Variants in PRKG1 observed in about 807,000 individuals in gnomAD.
PRKG1 encodes the protein cGMP-dependent protein kinase 1.
Under a neutral mutation model 88.1 loss-of-function variants are expected in PRKG1, and 35 were observed. The ratio of observed to expected loss-of-function variants is 0.40; its 90% CI spans 0.30 to 0.53. PRKG1 has a LOEUF of 0.53. Ranked by LOEUF, PRKG1 falls within the 20% of genes least tolerant of loss-of-function variation. PRKG1 has a pLI of 0.59. For missense variants in PRKG1, 540 were observed against 839.8 expected, an observed-to-expected ratio of 0.64 and a Z score of 4.41; for synonymous variants, 303 against 292.5, an observed-to-expected ratio of 1.04 and a Z score of -0.37.
chr10:51,397,491 A>G (rs373833573), intron 2 of PRKG1, among the ~76,000 whole-genome samples: 1 of 152,232 alleles, frequency 6.6e-6, no homozygotes, highest in African/African-American at 2.4e-5. Context: ...CCTCTTACCT[A>G]GAGGCCCTCG....
Position 51,213,143 on chromosome 10 carries a change from G to T in PRKG1, c.478+59813G>T, listed in dbSNP as rs557134125. 3.1e-3 allele frequency among the ~76,000 whole-genome samples: 479 copies of T among 152,164 alleles called. 2 individuals are homozygous for T. The highest frequency in any genetic ancestry group is 3.7e-3 in the Non-Finnish European group (250 of 67,998). On this transcript the variant is annotated intron_variant, in intron 2 of 17. Coordinates refer to ENST00000373980, the MANE Select transcript of PRKG1 (RefSeq NM_006258.4). Reference sequence around the variant, plus strand: ...TGGAATACTATGCAGCCATAAAAAAGGATTAGTTCATGTCCTTTGTAGGGA... The same window carrying T: ...TGGAATACTATGCAGCCATAAAAAATGATTAGTTCATGTCCTTTGTAGGGA...
At chr10:52,072,486 T>C (rs1846528042) in intron 7 of PRKG1, among the ~76,000 whole-genome samples, 1 of 152,164 alleles carries the variant, frequency 6.6e-6, no homozygotes, top group East Asian at 1.9e-4. Context: ...CATAGTAACA[T>C]TTTTTCTCCA....
At chr10:52,139,218 G>A (rs1489285143) in intron 8 of PRKG1, among the ~76,000 whole-genome samples, 1 of 152,094 alleles carries the variant, frequency 6.6e-6, no homozygotes, top group Non-Finnish European at 1.5e-5. Context: ...AAATAGGTTT[G>A]AAAACTGAAT....
chr10:50,995,435 G>A (rs949382756), intron 1 of PRKG1, among the ~76,000 whole-genome samples: 1 of 152,194 alleles, frequency 6.6e-6, no homozygotes, highest in Non-Finnish European at 1.5e-5. Context: ...ACTTATTGCG[G>A]TACTCATTTT....
chr10:51,842,665 T>C (rs1436876303), intron 4 of PRKG1, among the ~76,000 whole-genome samples: 1 of 152,194 alleles, frequency 6.6e-6, no homozygotes, highest in African/African-American at 2.4e-5. Flanking sequence ...AACAAAATTA[T>C]GTGTGTATGT....
At chr10:51,588,320 G>A (rs1177577924) in intron 3 of PRKG1, among the ~76,000 whole-genome samples, 3 of 151,626 alleles carry the variant, frequency 2.0e-5, no homozygotes, top group Non-Finnish European at 2.9e-5. Context: ...TTGGATAAAA[G>A]CACCTAAAAT....
At chr10:52,210,802 G>A (rs555966149) in intron 9 of PRKG1, among the ~76,000 whole-genome samples, 66 of 152,224 alleles carry the variant, frequency 4.3e-4, no homozygotes, top group African/African-American at 1.6e-3. Context: ...AGTTAGCCCT[G>A]TACAAATTAT....
intron 2 of PRKG1, among the ~76,000 whole-genome samples, chr10:51,172,411 C>T (rs879565054): frequency 1.3e-5 from 2 of 151,852 alleles, no homozygotes; most frequent in Non-Finnish European, 2.9e-5. Flanking sequence ...ATTGTTAAGA[C>T]AATAAAGTAT....
intron 4 of PRKG1, among the ~76,000 whole-genome samples, chr10:51,812,396 C>T (rs948238837): frequency 1.3e-5 from 2 of 152,272 alleles, no homozygotes; most frequent in East Asian, 1.9e-4. Context: ...ACTGGTTGTG[C>T]GATGCGTGGG....
At chr10:51,431,704 C>A (rs1838775745) in intron 2 of PRKG1, among the ~76,000 whole-genome samples, 1 of 152,126 alleles carries the variant, frequency 6.6e-6, no homozygotes. Context: ...ATAGTTAATA[C>A]AATTGGCTTT....
intron 3 of PRKG1, among the ~76,000 whole-genome samples, chr10:51,486,718 T>G (rs142268980): frequency 7.8e-4 from 118 of 152,252 alleles, no homozygotes; most frequent in African/African-American, 2.7e-3. Context: ...AAGAAAATAT[T>G]GAGCTTTCTT....
intron 2 of PRKG1, among the ~76,000 whole-genome samples, chr10:51,251,007 C>G (rs774935538): frequency 1.6e-4 from 25 of 151,756 alleles, no homozygotes; most frequent in Non-Finnish European, 2.8e-4. Context: ...TCCTGCCCAA[C>G]TCTACAGACA....
At chr10:51,547,380 CA>C (rs1842466849) in intron 3 of PRKG1, among the ~76,000 whole-genome samples, 1 of 10,784 alleles carries the variant, frequency 9.3e-5, no homozygotes, top group Non-Finnish European at 3.1e-4. Context: ...ATGCAAAATT[CA>C]ACAAGTTTTA....
In PRKG1 at chr10:50,991,640, G is replaced by T; in HGVS notation, c.262G>T (p.Glu88Ter). ...GGCATTCCGGAAGTTCACCAAGTCCGAAAGGTAGGCGCGGAGGCCGTGGGC... is the reference window on the plus strand; with the variant it reads ...GGCATTCCGGAAGTTCACCAAGTCCTAAAGGTAGGCGCGGAGGCCGTGGGC... Residue 88 changes from glutamate to a stop codon, truncating the protein, a stop_gained, in exon 1 of 18, where the codon GAA becomes TAA. Transcript: ENST00000401604. LOFTEE classifies it high-confidence loss of function. The surrounding 1 kb of genome is among the most constrained non-coding windows in gnomAD (Gnocchi z 4.5). The T allele has an allele frequency of 6.6e-7, 1 of 1,524,998 alleles. No individual in the cohort carries two copies. The highest frequency in any genetic ancestry group is 8.8e-7 in the Non-Finnish European group (1 of 1,135,488). The allele number at this position is 1,524,998 out of a possible 1,614,324, so 94.5% of individuals were successfully genotyped here. A position where few individuals can be genotyped will look rare whatever the true frequency, so the allele number is the denominator to read the frequency against.
chr10:51,526,573 T>A lies in PRKG1; in HGVS notation c.592+58737T>A, dbSNP rs535311156. Among the ~76,000 whole-genome samples, 43 of 152,312 alleles carry A rather than the reference T, an allele frequency of 2.8e-4. No individual in the cohort carries two copies. In the South Asian group the frequency reaches 7.9e-3, roughly 28 times the overall value. ...CTCTGAGGTAATCATTTTTAAAAAA[T>A]TTAATAAGAAGTTCCTAGCTTTTTA... On this transcript the variant is annotated intron_variant, in intron 3 of 17. Coordinates refer to ENST00000373980, the MANE Select transcript of PRKG1 (RefSeq NM_006258.4).
chr10:51,570,189 C>A (rs975673226), intron 3 of PRKG1, among the ~76,000 whole-genome samples: 2 of 151,064 alleles, frequency 1.3e-5, no homozygotes, highest in Non-Finnish European at 3.0e-5. Flanking sequence ...TTGGATCTGT[C>A]CCCCCGCACA....
intron 3 of PRKG1, among the ~76,000 whole-genome samples, chr10:51,737,317 G>A (rs901797312): frequency 1.3e-4 from 20 of 152,264 alleles, no homozygotes; most frequent in African/African-American, 4.8e-4. Context: ...TACCGTTCAT[G>A]GTATGATTCT....
At chr10:51,360,954 A>G (rs1842467276) in intron 2 of PRKG1, among the ~76,000 whole-genome samples, 1 of 151,942 alleles carries the variant, frequency 6.6e-6, no homozygotes, top group African/African-American at 2.4e-5. Context: ...ACTAGTGAAG[A>G]GCAGATTATG....
chr10:52,248,905 CTTTTCTTTCCT>C (rs1564531845), intron 9 of PRKG1, among the ~76,000 whole-genome samples: 2 of 148,282 alleles, frequency 1.3e-5, no homozygotes, highest in African/African-American at 4.9e-5. Context: ...TTTCCTTTCT[CTTTTCTTTCCT>C]TTCTTTTCTT....
Sources: allele counts gnomAD v4.1 joint callset (sites outside exome capture counted in the v4.1 genomes callset), GRCh38; gene constraint gnomAD v4.1.1; non-coding constraint Gnocchi (gnomAD v3.1); transcripts MANE v1.5; gene names NCBI Gene and HGNC (gene_info 2026-07-23, HGNC 2026-07-21).